DLG2: variants seen among roughly 807,000 people sequenced by gnomAD.
The protein encoded by DLG2 is disks large homolog 2.
A neutral mutation model predicts 132.5 loss-of-function variants in DLG2; 45 were observed. The observed-to-expected ratio is 0.34, with a 90% CI of 0.27 to 0.44. DLG2 has a LOEUF of 0.44. Ranked by LOEUF, DLG2 falls within the 20% of genes least tolerant of loss-of-function variation. The probability of loss-of-function intolerance (pLI) is 1.00; values close to 1 mark genes in which losing one functional copy is unlikely to be tolerated. For synonymous variants in DLG2, 424 were observed against 419.6 expected (o/e 1.01, Z -0.13); for missense variants, 1,045 against 1,196.9 (o/e 0.87, Z 1.87).
intron 7 of DLG2, among the ~76,000 whole-genome samples, chr11:84,405,413 C>T (rs1261405675): frequency 6.6e-6 from 1 of 152,158 alleles, no homozygotes; most frequent in East Asian, 1.9e-4. Flanking sequence ...CTTCTGTCTT[C>T]CGTACCATGA....
chr11:85,395,884 C>T (rs996697574), intron 3 of DLG2, among the ~76,000 whole-genome samples: 3 of 152,172 alleles, frequency 2.0e-5, no homozygotes, highest in Admixed American at 2.0e-4. Flanking sequence ...TTTAAACATC[C>T]CTGTCTGACA....
chr11:84,488,130 T>C (rs1019243212), intron 7 of DLG2, among the ~76,000 whole-genome samples: 2 of 152,128 alleles, frequency 1.3e-5, no homozygotes, highest in African/African-American at 4.8e-5. Flanking sequence ...TAGGTGTTGA[T>C]AACAACCAAA....
intron 6 of DLG2, among the ~76,000 whole-genome samples, chr11:84,677,028 C>G (rs952698951): frequency 6.6e-6 from 1 of 151,780 alleles, no homozygotes; most frequent in African/African-American, 2.4e-5. Flanking sequence ...CCCTAGAGGT[C>G]ATAAAAAGAA....
intron 10 of DLG2, among the ~76,000 whole-genome samples, chr11:84,076,446 G>T (rs943975503): frequency 6.6e-6 from 1 of 151,974 alleles, no homozygotes; most frequent in Non-Finnish European, 1.5e-5. Flanking sequence ...CAAGACCTAC[G>T]CCACGCGATT....
At chr11:84,358,151 G>A (rs1203042976) in intron 7 of DLG2, among the ~76,000 whole-genome samples, 1 of 151,960 alleles carries the variant, frequency 6.6e-6, no homozygotes, top group Non-Finnish European at 1.5e-5. Context: ...ATACATGTGT[G>A]CAGGCACACA....
chr11:84,567,853 C>T (rs78947452), intron 6 of DLG2, among the ~76,000 whole-genome samples: 4,559 of 152,230 alleles, frequency 0.03, 231 homozygotes, highest in African/African-American at 0.11. Flanking sequence ...CCTGAAACAC[C>T]TGTGTGGCTC....
chr11:83,966,812 G>A (rs1038818838), intron 12 of DLG2, among the ~76,000 whole-genome samples: 37 of 151,910 alleles, frequency 2.4e-4, no homozygotes, highest in African/African-American at 8.9e-4. Context: ...ATTAACTATA[G>A]TCTTTATGTT....
At chr11:85,426,195 G>A (rs1012007848) in intron 3 of DLG2, among the ~76,000 whole-genome samples, 20 of 152,346 alleles carry the variant, frequency 1.3e-4, no homozygotes, top group African/African-American at 4.8e-4. Context: ...TACCTCTGTA[G>A]ACTCTACCTC....
intron 3 of DLG2, among the ~76,000 whole-genome samples, chr11:85,426,596 G>A (rs547975784): frequency 1.5e-4 from 23 of 152,136 alleles, no homozygotes; most frequent in African/African-American, 5.5e-4. Flanking sequence ...CTAACAAACA[G>A]AAAGGACATC....
intron 6 of DLG2, among the ~76,000 whole-genome samples, chr11:84,858,893 A>T (rs1167456831): frequency 6.6e-6 from 1 of 152,096 alleles, no homozygotes; most frequent in Admixed American, 6.6e-5. Context: ...TAAAACTAAC[A>T]TCATGGGAAA....
At chr11:83,680,115 A>T (rs1401437065) in intron 18 of DLG2, among the ~76,000 whole-genome samples, 1 of 152,114 alleles carries the variant, frequency 6.6e-6, no homozygotes, top group African/African-American at 2.4e-5. Context: ...CTCATACTAA[A>T]TTTTCTTTTG....
rs1251107897 is a variant in DLG2 at position 83,617,138 on chromosome 11, A to T, written c.1940+16073T>A. 4.6e-5 allele frequency among the ~76,000 whole-genome samples: 7 copies of T among 152,316 alleles called. No individual in the cohort carries two copies. In the East Asian group the frequency reaches 1.3e-3, roughly 29 times the overall value. ...TGTTGGTCTTTTATATTTCCATATT[A>T]ATATTAGAATCACTTTGTCTAATCT... On this transcript the variant is annotated intron_variant, in intron 19 of 27. Transcript: ENST00000376104.
intron 9 of DLG2, among the ~76,000 whole-genome samples, chr11:84,118,783 A>AT (rs1301149576): frequency 1.4e-4 from 21 of 152,180 alleles, no homozygotes; most frequent in Non-Finnish European, 2.8e-4. Flanking sequence ...CCAAAAAGAT[A>AT]TTTTCCAGTC....
intron 6 of DLG2, among the ~76,000 whole-genome samples, chr11:84,769,454 C>G (rs969406512): frequency 6.6e-6 from 1 of 151,912 alleles, no homozygotes; most frequent in Admixed American, 6.6e-5. Flanking sequence ...TTTTAATGAA[C>G]AAAGTCTCAG....
In DLG2 at chr11:83,469,344, C is replaced by A; in HGVS notation, c.2476G>T (p.Val826Leu). The A allele has an allele frequency of 6.2e-7, 1 of 1,612,534 alleles. No individual in the cohort carries two copies. The highest frequency in any genetic ancestry group is 8.5e-7 in the Non-Finnish European group (1 of 1,179,446). ...HTTRPKRDYE[V>L]DGRDYHFVIS... The stretch of plus-strand genomic sequence containing the variant: ...ACAAAGTGATAGTCTCTGCCATCCA[C>A]CTCGTAGTCTCGCTTTGGCCTCGTA... Residue 826 changes from valine to leucine, a missense_variant, in exon 25 of 28, where the codon GTG becomes TTG. Around this residue, in one of 4 missense-constraint regions of DLG2, gnomAD observed 398 missense variants for 543.6 expected, o/e 0.73. Transcript: ENST00000376104.
chr11:85,487,345 T>A (rs1218929449), intron 3 of DLG2, among the ~76,000 whole-genome samples: 1 of 145,854 alleles, frequency 6.9e-6, no homozygotes, highest in Non-Finnish European at 1.5e-5. Flanking sequence ...AAATCCCAGA[T>A]CAAGAATTCA....
At chr11:84,860,057 T>C (rs1318436734) in intron 6 of DLG2, among the ~76,000 whole-genome samples, 2 of 152,154 alleles carry the variant, frequency 1.3e-5, no homozygotes, top group African/African-American at 4.8e-5. Context: ...ACTGATTATA[T>C]TAATCTTGGC....
intron 3 of DLG2, among the ~76,000 whole-genome samples, chr11:85,426,109 G>C (rs918953936): frequency 1.3e-5 from 2 of 152,230 alleles, no homozygotes; most frequent in Admixed American, 6.5e-5. Context: ...CGCCATTGCC[G>C]AGGCTTGAGT....
At chr11:85,126,049 T>C (rs1240741310) in intron 5 of DLG2, among the ~76,000 whole-genome samples, 1 of 152,106 alleles carries the variant, frequency 6.6e-6, no homozygotes, top group Non-Finnish European at 1.5e-5. Context: ...AGAATTTAGA[T>C]GGGTGGATGG....
Sources: allele counts gnomAD v4.1 joint callset (sites outside exome capture counted in the v4.1 genomes callset), GRCh38; gene constraint gnomAD v4.1.1; regional missense constraint gnomAD v4.1.1; transcripts MANE v1.5; gene names NCBI Gene and HGNC (gene_info 2026-07-23, HGNC 2026-07-21).